EPHA4: variants seen among roughly 807,000 people sequenced by gnomAD.
The protein encoded by EPHA4 is ephrin type-A receptor 4.
Under a neutral mutation model 108.3 loss-of-function variants are expected in EPHA4, and 19 were observed. The observed-to-expected ratio is 0.18, with a 90% CI of 0.12 to 0.26. The LOEUF (loss-of-function observed/expected upper bound fraction) is 0.26. Among genes scored for constraint, EPHA4 ranks in the 10% least tolerant of loss-of-function variants. The pLI, the probability that EPHA4 is intolerant of heterozygous loss-of-function variation, is 1.00. For missense variants in EPHA4, 917 were observed against 1,254.0 expected, an observed-to-expected ratio of 0.73 and a Z score of 4.06; for synonymous variants, 449 against 455.5, an observed-to-expected ratio of 0.99 and a Z score of 0.18.
chr2:221,463,566 A>G (rs1691215017), intron 5 of EPHA4, among the ~76,000 whole-genome samples: 1 of 152,190 alleles, frequency 6.6e-6, no homozygotes. Flanking sequence ...TGCATTTCAC[A>G]AGGAGAAATT....
chr2:221,466,038 C>T (rs1262872262), intron 5 of EPHA4, among the ~76,000 whole-genome samples: 2 of 152,142 alleles, frequency 1.3e-5, no homozygotes, highest in Non-Finnish European at 2.9e-5. Context: ...AGATATCCAC[C>T]CATTTGTGAG....
chr2:221,487,331 C>A (rs1409630354), intron 4 of EPHA4, among the ~76,000 whole-genome samples: 1 of 152,186 alleles, frequency 6.6e-6, no homozygotes, highest in East Asian at 1.9e-4. Flanking sequence ...TCAGAGCAAG[C>A]ACCTGCCTTG....
chr2:221,486,738 T>TAATAAG (rs2106145239), intron 4 of EPHA4, among the ~76,000 whole-genome samples: 2 of 133,586 alleles, frequency 1.5e-5, no homozygotes, highest in South Asian at 5.1e-4. Context: ...TGTCTCAAAA[T>TAATAAG]AATAATAATA....
chr2:221,565,795 T>A (rs993636692), intron 2 of EPHA4, among the ~76,000 whole-genome samples: 1 of 152,176 alleles, frequency 6.6e-6, no homozygotes, highest in Admixed American at 6.5e-5. Context: ...TTTAGGAAAT[T>A]CATGTAAATC....
At chr2:221,570,057 C>T (rs575858237) in intron 1 of EPHA4, among the ~76,000 whole-genome samples, 1 of 152,002 alleles carries the variant, frequency 6.6e-6, no homozygotes, top group East Asian at 1.9e-4. Context: ...AGAGAAAAGC[C>T]CGCTACATCC....
At chr2:221,572,499 G>T, upstream of EPHA4, 1 of 204,900 alleles carries the variant, frequency 4.9e-6, no homozygotes. Flanking sequence ...CGGGGCTCTA[G>T]GGGGCGAGCA....
At chr2:221,454,568 T>C (rs533814588) in intron 8 of EPHA4, among the ~76,000 whole-genome samples, 1 of 152,196 alleles carries the variant, frequency 6.6e-6, no homozygotes, top group Non-Finnish European at 1.5e-5. Context: ...GCCCTTTTTT[T>C]CACCAACAGC....
chr2:221,542,513 C>A (rs971272562), intron 3 of EPHA4, among the ~76,000 whole-genome samples: 1 of 152,232 alleles, frequency 6.6e-6, no homozygotes, highest in Non-Finnish European at 1.5e-5. Context: ...ATTTTAAAGT[C>A]CATACTTCAT....
intron 14 of EPHA4, among the ~76,000 whole-genome samples, chr2:221,430,432 G>A (rs1342287255): frequency 6.6e-6 from 1 of 152,174 alleles, no homozygotes; most frequent in Non-Finnish European, 1.5e-5. Flanking sequence ...CAGTTTTGGT[G>A]ACGGCCCTCA....
intron 3 of EPHA4, among the ~76,000 whole-genome samples, chr2:221,541,038 C>T (rs1693825801): frequency 6.6e-6 from 1 of 151,216 alleles, no homozygotes; most frequent in South Asian, 2.1e-4. Flanking sequence ...CCTCAAACTC[C>T]TGGGTTCAGG....
At chr2:221,466,551 A>C (rs1691319469) in intron 5 of EPHA4, among the ~76,000 whole-genome samples, 1 of 152,152 alleles carries the variant, frequency 6.6e-6, no homozygotes, top group East Asian at 1.9e-4. Context: ...GAGATTTAAA[A>C]CTCAAGTCCA....
At chr2:221,434,335 G>A (rs564975161) in intron 13 of EPHA4, 44 bp from the exon 14 acceptor site, 2 of 1,593,740 alleles carry the variant, frequency 1.3e-6, no homozygotes, top group South Asian at 1.1e-5. Context: ...GTACATCACT[G>A]ATGTGCCATT....
Position 221,572,259 on chromosome 2 carries a change from TG to T in EPHA4, c.-12del. The T allele has an allele frequency of 6.2e-7, 1 of 1,608,926 alleles. No homozygotes were observed. Among genetic ancestry groups the T allele is most frequent in the Non-Finnish European group, 8.5e-7 (1 of 1,175,248 alleles). Reference sequence around the variant, plus strand: ...GAAAATCCCAGCCATGGTTCGCCGGTGCCAACGCTGCTCCTGCCGCTTCTAT... The same window carrying T: ...GAAAATCCCAGCCATGGTTCGCCGGTCCAACGCTGCTCCTGCCGCTTCTAT... On this transcript the variant is annotated 5_prime_UTR_variant, in exon 1 of 18. Transcript: ENST00000281821.
intron 5 of EPHA4, among the ~76,000 whole-genome samples, chr2:221,473,958 T>C (rs1691577687): frequency 6.6e-6 from 1 of 152,174 alleles, no homozygotes; most frequent in Admixed American, 6.5e-5. Context: ...AACATGCATA[T>C]ATCTTTCTGT....
chr2:221,441,968 C>T (rs1015084193), intron 11 of EPHA4, among the ~76,000 whole-genome samples: 1 of 152,234 alleles, frequency 6.6e-6, no homozygotes, highest in African/African-American at 2.4e-5. Flanking sequence ...ACTGCTCCCC[C>T]ACACTGGGGT....
chr2:221,492,312 A>G (rs772918574), intron 4 of EPHA4, among the ~76,000 whole-genome samples: 7 of 152,176 alleles, frequency 4.6e-5, no homozygotes, highest in Non-Finnish European at 7.3e-5. Context: ...TGGGCTGTTT[A>G]TGACTATAAA....
intron 14 of EPHA4, among the ~76,000 whole-genome samples, chr2:221,431,725 C>T (rs938692517): frequency 1.3e-5 from 2 of 152,158 alleles, no homozygotes; most frequent in Non-Finnish European, 2.9e-5. Flanking sequence ...GCCAGCGGAA[C>T]ATAAATTGTT....
intron 14 of EPHA4, 80 bp downstream of exon 14, chr2:221,434,062 G>T: frequency 1.4e-6 from 2 of 1,444,212 alleles, no homozygotes; most frequent in Non-Finnish European, 1.9e-6. Flanking sequence ...TTCAAACCCC[G>T]TGCCCACTCC....
chr2:221,572,234 G>GA lies in EPHA4; in HGVS notation c.14dup (p.Tyr6LeufsTer25). The stretch of plus-strand genomic sequence containing the variant: ...AGAGACACGAAAATAGGGCGAAATA[G>GA]AAAATCCCAGCCATGGTTCGCCGGT... On this transcript the variant is annotated frameshift_variant, in exon 1 of 18. Transcript: ENST00000281821. LOFTEE classifies it high-confidence loss of function. 6.2e-7 allele frequency: 1 copy of GA among 1,614,130 alleles called. No homozygotes were observed.
Sources: gnomAD v4.1 joint callset for allele counts (sites outside exome capture counted in the v4.1 genomes callset) on GRCh38, gnomAD v4.1.1 for gene constraint, MANE v1.5 for transcripts, NCBI Gene and HGNC (gene_info 2026-07-23, HGNC 2026-07-21) for gene names.